SCEL: variants seen among roughly 807,000 people sequenced by gnomAD.
The protein encoded by SCEL is sciellin.
Under a neutral mutation model 117.6 loss-of-function variants are expected in SCEL, and 113 were observed. The ratio of observed to expected loss-of-function variants is 0.96; its 90% CI spans 0.83 to 1.12. SCEL has a LOEUF of 1.12. SCEL is among the 50% of genes most tolerant of loss of function. The probability of loss-of-function intolerance (pLI) is 0.00; values close to 1 mark genes in which losing one functional copy is unlikely to be tolerated. For synonymous variants in SCEL, 270 were observed against 256.2 expected, an observed-to-expected ratio of 1.05 and a Z score of -0.51; for missense variants, 785 against 810.8, an observed-to-expected ratio of 0.97 and a Z score of 0.39.
Position 77,610,126 on chromosome 13 carries a change from C to A in SCEL, c.1337+20C>A. 2 of 1,561,258 alleles carry A rather than the reference C, an allele frequency of 1.3e-6. No homozygotes were observed. The highest frequency in any genetic ancestry group is 2.3e-5 in the South Asian group (2 of 86,846). On this transcript the variant is annotated intron_variant, in intron 22 of 32. Coordinates refer to ENST00000349847, the MANE Select transcript of SCEL (RefSeq NM_144777.3). ...CCAAGGGTAAGGTTTATGGAACTCT[C>A]TATTTCTCCCCCCTTTTTTTTTCCT...
rs112527826 is a variant in SCEL, at chr13:77,608,321, C to T, written c.1217+206C>T. Reference sequence around the variant, plus strand: ...CTGAGGATCATAATGTTTGTTTGGCCGGGTACGGTGGCTCACGCCTGTAAT... The same window carrying T: ...CTGAGGATCATAATGTTTGTTTGGCTGGGTACGGTGGCTCACGCCTGTAAT... On this transcript the variant is annotated intron_variant, in intron 20 of 32. Transcript: ENST00000349847. 5.8e-3 allele frequency among the ~76,000 whole-genome samples: 887 copies of T among 152,262 alleles called. 8 individuals are homozygous for T. The highest frequency in any genetic ancestry group is 0.01 in the Non-Finnish European group (683 of 68,022).
Position 77,598,299 on chromosome 13 carries a change from A to G in SCEL, c.797+710A>G, listed in dbSNP as rs529987920. Among the ~76,000 whole-genome samples, 12 of 152,354 alleles carry G rather than the reference A, an allele frequency of 7.9e-5. No individual in the cohort carries two copies. The East Asian group carries it at 2.3e-3, about 29-fold the overall frequency. On this transcript the variant is annotated intron_variant, in intron 13 of 32. Coordinates refer to ENST00000349847, the MANE Select transcript of SCEL (RefSeq NM_144777.3). ...AAGCAAGCTCTCTATTACTTTGCATACTAACCCACTAAACAGTGATCAAAG... is the reference window on the plus strand; with the variant it reads ...AAGCAAGCTCTCTATTACTTTGCATGCTAACCCACTAAACAGTGATCAAAG...
intron 1 of SCEL, among the ~76,000 whole-genome samples, chr13:77,552,698 A>G (rs906663007): frequency 5.3e-5 from 8 of 152,144 alleles, no homozygotes; most frequent in Non-Finnish European, 2.9e-5. Context: ...GTTTAGTTTA[A>G]TTAGATCCCA....
intron 8 of SCEL, among the ~76,000 whole-genome samples, chr13:77,571,076 C>T (rs1241788832): frequency 3.3e-5 from 5 of 151,466 alleles, no homozygotes; most frequent in African/African-American, 7.3e-5. Flanking sequence ...GTGATCCACC[C>T]GCCTCAGCCT....
chr13:77,641,521 C>T (rs1365220011), intron 31 of SCEL, among the ~76,000 whole-genome samples: 1 of 152,134 alleles, frequency 6.6e-6, no homozygotes, highest in Non-Finnish European at 1.5e-5. Flanking sequence ...TTGACTAGAC[C>T]AGTGGATCTC....
At position 77,593,506 on chromosome 13, in the gene SCEL, G is replaced by A. The variant is rs1173952619; in HGVS notation, c.693-8G>A. ...CATTGACCTGTATTTATTTTTCATT[G>A]TTTGAAGGAGTCAGGATCTTGATAA... On this transcript the variant is annotated splice_region_variant and splice_polypyrimidine_tract_variant and intron_variant, in intron 11 of 32. Coordinates refer to ENST00000349847, the MANE Select transcript of SCEL (RefSeq NM_144777.3). 6.2e-7 allele frequency: 1 copy of A among 1,608,120 alleles called. No homozygotes were observed. Among genetic ancestry groups the A allele is most frequent in the South Asian group, 1.1e-5 (1 of 90,702 alleles).
chr13:77,591,692 G>A (rs532711483), intron 11 of SCEL, among the ~76,000 whole-genome samples: 1 of 152,280 alleles, frequency 6.6e-6, no homozygotes, highest in East Asian at 1.9e-4. Context: ...CAAGGTAACA[G>A]GATAAGATCA....
At chr13:77,599,266 C>T in intron 13 of SCEL, 63 bp from the exon 14 acceptor site, 1 of 1,185,714 alleles carries the variant, frequency 8.4e-7, no homozygotes, top group Non-Finnish European at 1.2e-6. Context: ...GGTCTATGTT[C>T]TTATAGAGTT....
At chr13:77,639,133 C>T (rs1038938898) in intron 30 of SCEL, among the ~76,000 whole-genome samples, 1 of 152,124 alleles carries the variant, frequency 6.6e-6, no homozygotes, top group Non-Finnish European at 1.5e-5. Context: ...TGGCTCACCA[C>T]TCTTTGTATT....
Position 77,604,408 on chromosome 13 carries a change from A to AATGTC in SCEL, c.1150_1151insATGTC (p.Ile384AsnfsTer15), listed in dbSNP as rs553291205. 54 of 1,578,172 alleles carry AATGTC rather than the reference A, an allele frequency of 3.4e-5. No homozygotes were observed. In the East Asian group the frequency reaches 1.1e-3, roughly 33 times the overall value. ...AGTGGATCCTGAAACAAATAAAAAT[A>AATGTC]TTACGAGGTAAGACATTTAAAGCTC... On this transcript the variant is annotated frameshift_variant, in exon 19 of 33. Coordinates refer to ENST00000349847, the MANE Select transcript of SCEL (RefSeq NM_144777.3). LOFTEE classifies it high-confidence loss of function.
At chr13:77,619,771 T>G (rs554440611) in intron 27 of SCEL, among the ~76,000 whole-genome samples, 37 of 152,118 alleles carry the variant, frequency 2.4e-4, no homozygotes, top group Non-Finnish European at 4.9e-4. Flanking sequence ...TTTTAGGAAG[T>G]TTCCAATCAT....
At chr13:77,586,334 A>G (rs1035288986) in intron 9 of SCEL, among the ~76,000 whole-genome samples, 2 of 152,096 alleles carry the variant, frequency 1.3e-5, no homozygotes, top group African/African-American at 4.8e-5. Flanking sequence ...TTCTACTTCA[A>G]AGCTTTCCCT....
intron 4 of SCEL, among the ~76,000 whole-genome samples, chr13:77,563,348 A>G (rs1233860021): frequency 6.6e-6 from 1 of 150,998 alleles, no homozygotes; most frequent in Admixed American, 6.6e-5. Flanking sequence ...CCTTCTTTCA[A>G]CCCTGTCCAC....
intron 30 of SCEL, among the ~76,000 whole-genome samples, chr13:77,638,176 A>C (rs1358140272): frequency 6.6e-6 from 1 of 152,196 alleles, no homozygotes; most frequent in African/African-American, 2.4e-5. Context: ...TTTTTTAAAA[A>C]AACATGAACC....
At position 77,602,711 on chromosome 13, in the gene SCEL, AAG is replaced by A. The variant is rs1480130293; in HGVS notation, c.1036_1037del (p.Arg346LysfsTer2). The A allele has an allele frequency of 6.2e-7, 1 of 1,613,102 alleles. No individual in the cohort carries two copies. Among genetic ancestry groups the A allele is most frequent in the Non-Finnish European group, 8.5e-7 (1 of 1,179,302 alleles). ...VNARMNKTSR[R>X]SEDLDNATEV... ...ATGCCAGGATGAATAAAACGAGCAG[AAG>A]GTGAGAACTGAACAGATGTCTCTAA... is the stretch of plus-strand genomic sequence containing the variant. On this transcript the variant is annotated frameshift_variant and splice_region_variant, in exon 17 of 33. Coordinates refer to ENST00000349847, the MANE Select transcript of SCEL (RefSeq NM_144777.3). LOFTEE classifies it high-confidence loss of function.
chr13:77,569,533 G>A, intron 8 of SCEL, 82 bp downstream of exon 8: 1 of 1,033,810 alleles, frequency 9.7e-7, no homozygotes, highest in Non-Finnish European at 1.5e-6. Flanking sequence ...TTTTTTGTGG[G>A]GATCCAGCAT....
At chr13:77,536,449 G>A (rs1361682089) in intron 1 of SCEL, among the ~76,000 whole-genome samples, 1 of 152,070 alleles carries the variant, frequency 6.6e-6, no homozygotes, top group African/African-American at 2.4e-5. Context: ...AGGGTACATG[G>A]TTCCTCACAG....
In SCEL at chr13:77,597,643, T is replaced by TA. The variant is rs1484747898; in HGVS notation, c.797+55dup. On this transcript the variant is annotated intron_variant, in intron 13 of 32. Transcript: ENST00000349847. ...TACTGAGTTGCATATTGTGACTTTTTATGCCTTTCCAGTCTTTGAGCGTGA... is the reference window on the plus strand; with the variant it reads ...TACTGAGTTGCATATTGTGACTTTTTAATGCCTTTCCAGTCTTTGAGCGTGA... The TA allele has an allele frequency of 2.2e-5, 23 of 1,025,192 alleles. No individual in the cohort carries two copies. The East Asian group carries it at 6.1e-4, about 27-fold the overall frequency. 63.5% of individuals were successfully genotyped at this position (1,025,192 alleles called of 1,614,324 possible).
intron 13 of SCEL, among the ~76,000 whole-genome samples, 187 bp downstream of exon 13, chr13:77,597,776 A>G (rs1351893008): frequency 6.6e-6 from 1 of 151,948 alleles, no homozygotes; most frequent in Non-Finnish European, 1.5e-5. Context: ...AAGTCTGAAG[A>G]TACTAATATG....
Sources: gnomAD v4.1 joint callset for allele counts (sites outside exome capture counted in the v4.1 genomes callset) on GRCh38, gnomAD v4.1.1 for gene constraint, MANE v1.5 for transcripts, NCBI Gene and HGNC (gene_info 2026-07-23, HGNC 2026-07-21) for gene names.